USP4: variants seen among roughly 807,000 people sequenced by gnomAD.
USP4 encodes ubiquitin specific peptidase 4.
A neutral mutation model predicts 118.2 loss-of-function variants in USP4; 72 were observed. That is an observed-to-expected ratio of 0.61 (90% CI 0.50 to 0.74). The LOEUF is 0.74. USP4 is among the 30% of genes least tolerant of loss of function. The probability of loss-of-function intolerance (pLI) is 0.00; values close to 1 mark genes in which losing one functional copy is unlikely to be tolerated. For missense variants in USP4, 1,037 were observed against 1,185.7 expected (o/e 0.87, Z 1.84); for synonymous variants, 415 against 440.4 (o/e 0.94, Z 0.72).
chr3:49,306,200 G>GTT (rs1326475375), intron 8 of USP4, among the ~76,000 whole-genome samples: 23 of 143,958 alleles, frequency 1.6e-4, no homozygotes, highest in African/African-American at 4.0e-4. Context: ...TGAAAAAAGT[G>GTT]TTTTTTTTTG....
chr3:49,298,957 T>C (rs1165380849), intron 11 of USP4, among the ~76,000 whole-genome samples: 1 of 152,206 alleles, frequency 6.6e-6, no homozygotes, highest in Non-Finnish European at 1.5e-5. Context: ...TCCTACCTTT[T>C]TATTTTATTT....
Position 49,311,632 on chromosome 3 carries a change from T to G in USP4, c.718A>C (p.Asn240His). ...QSKSSTAPSR[N>H]FTTSPKSSAS... ...GATGATTTTGGAGAGGTAGTAAAAT[T>G]TCTGCTAGGCGCAGTGCTTGATCTG... The change falls in exon 7 of 22, where the codon AAT becomes CAT. Residue 240 changes from asparagine to histidine, a missense_variant. By Grantham distance (68) the Asn-to-His change is moderately conservative. This residue lies in a region of USP4 where 487 missense variants were observed against 534.1 expected (regional missense o/e 0.91). Transcript: ENST00000265560. 6.2e-7 allele frequency: 1 copy of G among 1,613,950 alleles called. No individual in the cohort carries two copies. Among genetic ancestry groups the G allele is most frequent in the South Asian group, 1.1e-5 (1 of 91,058 alleles).
chr3:49,338,517 C>T (rs557006286), intron 1 of USP4, among the ~76,000 whole-genome samples: 3 of 151,834 alleles, frequency 2.0e-5, no homozygotes, highest in African/African-American at 7.2e-5. Context: ...AAAAAATTAG[C>T]CGGCCGTGGT....
Position 49,278,376 on chromosome 3 carries a change from C to T in USP4, c.2809G>A (p.Gly937Ser). 1.9e-6 allele frequency: 3 copies of T among 1,614,128 alleles called. No homozygotes were observed. Among genetic ancestry groups the T allele is most frequent in the Admixed American group, 3.3e-5 (2 of 60,010 alleles). ...GGTCGTGTCCCTCCATCAGAGGAAC[C>T]AGAACTGCTAAGTGAAGGTGTCTTA... ...FYKTPSLSSSGSSDGGTRPSS... is the reference protein window; with the variant it reads ...FYKTPSLSSSSSSDGGTRPSS... The change falls in exon 22 of 22, where the codon GGT becomes AGT. Residue 937 changes from glycine to serine, a missense_variant. Transcript: ENST00000265560.
At chr3:49,315,362 A>G (rs1347964525) in intron 6 of USP4, among the ~76,000 whole-genome samples, 1 of 152,170 alleles carries the variant, frequency 6.6e-6, no homozygotes, top group Admixed American at 6.6e-5. Flanking sequence ...AAAATACTCT[A>G]TCTTTGACAG....
chr3:49,293,241 G>A (rs886469710), intron 14 of USP4, among the ~76,000 whole-genome samples: 1 of 152,068 alleles, frequency 6.6e-6, no homozygotes, highest in Non-Finnish European at 1.5e-5. Context: ...GGCCAGGCAC[G>A]GTGGCTCATG....
chr3:49,319,994 A>G (rs11720542), intron 6 of USP4, among the ~76,000 whole-genome samples: 114,797 of 151,964 alleles, frequency 0.76, 43,735 homozygotes, highest in East Asian at 0.99. Flanking sequence ...ATAGCTCACT[A>G]CAGCCTCAAA....
At position 49,294,452 on chromosome 3, in the gene USP4, T is replaced by C; in HGVS notation, c.1838A>G (p.Lys613Arg). Residue 613 changes from lysine (K) to arginine (R), a missense_variant, in exon 14 of 22, where the codon AAG (lysine) becomes AGG (arginine). Lys to Arg is a conservative substitution (Grantham distance 26, BLOSUM62 2). Coordinates refer to ENST00000265560, the MANE Select transcript of USP4 (RefSeq NM_003363.4). ...CTGGTACAAAGACTCAAGGGTTAACTTGTGCTTGGGGACAGAAAGCAATAG... is the reference window on the plus strand; with the variant it reads ...CTGGTACAAAGACTCAAGGGTTAACCTGTGCTTGGGGACAGAAAGCAATAG... The part of the protein sequence containing the change: ...QPLLLSVPKH[K>R]LTLESLYQAV... The C allele has an allele frequency of 6.2e-7, 1 of 1,614,192 alleles. No individual in the cohort carries two copies. Among genetic ancestry groups the C allele is most frequent in the Non-Finnish European group, 8.5e-7 (1 of 1,180,034 alleles).
intron 2 of USP4, among the ~76,000 whole-genome samples, chr3:49,335,242 T>TA (rs2047656904): frequency 6.6e-6 from 1 of 152,212 alleles, no homozygotes. Context: ...GAGAGAAAGT[T>TA]AAAATGTTAG....
chr3:49,308,442 C>G (rs1258604002), intron 8 of USP4, among the ~76,000 whole-genome samples: 1 of 152,084 alleles, frequency 6.6e-6, no homozygotes, highest in Non-Finnish European at 1.5e-5. Context: ...GCCTCAGCCT[C>G]CCAAGTAGCT....
At chr3:49,293,275 G>A (rs1026133543) in intron 14 of USP4, among the ~76,000 whole-genome samples, 1 of 151,998 alleles carries the variant, frequency 6.6e-6, no homozygotes, top group Admixed American at 6.6e-5. Flanking sequence ...CACTCTGGGA[G>A]GCTGAGATGG....
intron 2 of USP4, among the ~76,000 whole-genome samples, chr3:49,330,097 G>C (rs976643663): frequency 6.6e-6 from 1 of 151,938 alleles, no homozygotes; most frequent in African/African-American, 2.4e-5. Context: ...CTTGAACCTG[G>C]GAGGGAGAGG....
Position 49,277,477 on chromosome 3 carries a change from A to T in USP4, c.*816T>A, listed in dbSNP as rs2046975800. ...ACTACCCTAAATCGCCATGAACTGG[A>T]GCCCTTTCCCGGCTAACTCCCACAA... On this transcript the variant is annotated 3_prime_UTR_variant, in exon 22 of 22. Transcript: ENST00000265560. 4.8e-6 allele frequency: 1 copy of T among 207,556 alleles called. No individual in the cohort carries two copies. Among genetic ancestry groups the T allele is most frequent in the South Asian group, 6.3e-5 (1 of 15,934 alleles). 12.9% of individuals were successfully genotyped at this position (207,556 alleles called of 1,614,324 possible).
At chr3:49,283,476 T>C (rs1049240546) in intron 19 of USP4, among the ~76,000 whole-genome samples, 4 of 152,152 alleles carry the variant, frequency 2.6e-5, no homozygotes, top group African/African-American at 9.7e-5. Context: ...ATCTGTTAAC[T>C]TACTTTCCTG....
rs2047639814 is a variant in USP4 at position 49,333,428 on chromosome 3, A to G, written c.229+2041T>C. Among the ~76,000 whole-genome samples, 4 of 152,164 alleles carry G rather than the reference A, an allele frequency of 2.6e-5. No homozygotes were observed. The South Asian group carries it at 8.3e-4, about 31-fold the overall frequency. On this transcript the variant is annotated intron_variant, in intron 2 of 21. Transcript: ENST00000265560. The stretch of plus-strand genomic sequence containing the variant: ...TTACATTCACAACTTGGCTAGCTAT[A>G]TGGCACAAGAGGCCTAGCTTACAAC...
chr3:49,280,775 G>A lies in USP4; in HGVS notation c.2613C>T (p.Ser871=), dbSNP rs144923418. The change falls in exon 20 of 22, where the codon TCC becomes TCT. Residue 871 remains serine (S), a synonymous_variant. Coordinates refer to ENST00000265560, the MANE Select transcript of USP4 (RefSeq NM_003363.4). ...CAACCCCCATGGCTCCATAATGATT[G>A]GACACGGCAATGAGGTCGTACACAT... The part of the protein sequence containing the change: ...RPYVYDLIAV[S]NHYGAMGVGH... The A allele has an allele frequency of 9.7e-3, 15,735 of 1,614,050 alleles. 145 individuals carry two copies. Among genetic ancestry groups the A allele is most frequent in the Middle Eastern group, 0.029 (177 of 6,060 alleles).
Position 49,335,523 on chromosome 3 carries a change from C to G in USP4, c.175G>C (p.Val59Leu). 1 of 1,614,236 alleles carries G rather than the reference C, an allele frequency of 6.2e-7. No homozygotes were observed. The highest frequency in any genetic ancestry group is 8.5e-7 in the Non-Finnish European group (1 of 1,180,050). ...CCAGGAAATAGGTTATGTTCACCCA[C>G]ATTGTACATGTCCCAGCTGTCAAAG... The part of the protein sequence containing the change: ...VGFDSWDMYN[V>L]GEHNLFPGPI... Residue 59 changes from valine to leucine, a missense_variant, in exon 2 of 22, where the codon GTG becomes CTG. Physicochemically the swap from Val to Leu is conservative, Grantham distance 32 (BLOSUM62 1). This residue lies in a region of USP4 where 487 missense variants were observed against 534.1 expected (regional missense o/e 0.91). Coordinates refer to ENST00000265560, the MANE Select transcript of USP4 (RefSeq NM_003363.4).
At chr3:49,325,471 A>G (rs1480525547) in intron 4 of USP4, among the ~76,000 whole-genome samples, 4 of 151,988 alleles carry the variant, frequency 2.6e-5, no homozygotes, top group Middle Eastern at 3.4e-3. Context: ...TTATTTTTAA[A>G]CTTCTTTGGA....
Position 49,280,817 on chromosome 3 carries a change from G to C in USP4, c.2571C>G (p.Asn857Lys). The change falls in exon 20 of 22, where the codon AAC (asparagine) becomes AAG (lysine). Residue 857 changes from asparagine to lysine, a missense_variant. By Grantham distance (94) the Asn-to-Lys change is moderately conservative. Transcript: ENST00000265560. ...RGLNMSEFVCNLSARPYVYDL... is the reference protein window; with the variant it reads ...RGLNMSEFVCKLSARPYVYDL... ...CGTACACATAAGGCCTTGCTGACAG[G>C]TTACAGACAAACTCGGACATGTTCA... The C allele has an allele frequency of 6.2e-7, 1 of 1,614,122 alleles. No individual in the cohort carries two copies. The highest frequency in any genetic ancestry group is 8.5e-7 in the Non-Finnish European group (1 of 1,180,008).
Sources: allele counts gnomAD v4.1 joint callset (sites outside exome capture counted in the v4.1 genomes callset), GRCh38; gene constraint gnomAD v4.1.1; regional missense constraint gnomAD v4.1.1; transcripts MANE v1.5; gene names NCBI Gene and HGNC (gene_info 2026-07-23, HGNC 2026-07-21).